Variants in RCL1 observed in about 807,000 individuals in gnomAD.
RCL1 encodes RNA terminal phosphate cyclase like 1, also known as RNA 3'-terminal phosphate cyclase-like protein.
RCL1 carries 24 observed loss-of-function variants against 42.4 expected under a neutral mutation model. The observed-to-expected ratio is 0.57, with a 90% CI of 0.41 to 0.80. The LOEUF (loss-of-function observed/expected upper bound fraction) is 0.80, where lower values mean the gene tolerates loss of function less well. Among genes scored for constraint, RCL1 ranks in the 30% least tolerant of loss-of-function variants. The pLI is 0.00. For missense variants in RCL1, 578 were observed against 467.9 expected (o/e 1.24, Z -2.17); for synonymous variants, 228 against 177.3 (o/e 1.29, Z -2.27).
intron 2 of RCL1, among the ~76,000 whole-genome samples, chr9:4,824,688 T>C (rs1207999431): frequency 1.3e-5 from 2 of 152,230 alleles, no homozygotes; most frequent in Non-Finnish European, 2.9e-5. Flanking sequence ...CTTGGCTCTC[T>C]TAAGGCAAGC....
intron 5 of RCL1, among the ~76,000 whole-genome samples, chr9:4,835,072 A>T (rs1817078288): frequency 6.6e-6 from 1 of 152,210 alleles, no homozygotes; most frequent in Non-Finnish European, 1.5e-5. Context: ...CAGAGGTGGC[A>T]GTGCACAGTG....
At position 4,808,098 on chromosome 9, in the gene RCL1, G is replaced by C. The variant is rs973348404; in HGVS notation, c.136+14871G>C. ...TCATGGTGGTGCTGAGTTCTTCTTT[G>C]TCCTTGCTGATTTTTCTGTCTAGTT... On this transcript the variant is annotated intron_variant, in intron 1 of 8. Transcript: ENST00000381750. 4.6e-5 allele frequency among the ~76,000 whole-genome samples: 7 copies of C among 151,994 alleles called. 1 individual carries two copies. In the South Asian group the frequency reaches 1.5e-3, roughly 32 times the overall value.
intron 1 of RCL1, among the ~76,000 whole-genome samples, chr9:4,798,317 A>AAC (rs1842945767): frequency 6.6e-6 from 1 of 152,218 alleles, no homozygotes; most frequent in Non-Finnish European, 1.5e-5. Context: ...CACCAGAATA[A>AAC]TTGTTTAAAG....
Position 4,833,220 on chromosome 9 carries a change from G to A in RCL1, c.451G>A (p.Glu151Lys). ...KQFGIDGESF[E>K]LKIVRRGMPP... ...ATTTGGGATTGATGGTGAATCATTTGAACTGAAGGTAAGAATGTTTGAACT... is the reference window on the plus strand; with the variant it reads ...ATTTGGGATTGATGGTGAATCATTTAAACTGAAGGTAAGAATGTTTGAACT... The change falls in exon 4 of 9, where the codon GAA becomes AAA. Residue 151 changes from glutamate (E) to lysine (K), a missense_variant. Coordinates refer to ENST00000381750, the MANE Select transcript of RCL1 (RefSeq NM_005772.5). 1 of 1,610,772 alleles carries A rather than the reference G, an allele frequency of 6.2e-7. No individual in the cohort carries two copies.
intron 1 of RCL1, among the ~76,000 whole-genome samples, chr9:4,801,724 T>TG (rs1843003853): frequency 7.0e-6 from 1 of 143,508 alleles, no homozygotes; most frequent in East Asian, 1.9e-4. Flanking sequence ...GATTCTTTTT[T>TG]TTTTTTTTTT....
chr9:4,811,663 C>T (rs1816181701), intron 1 of RCL1, among the ~76,000 whole-genome samples: 1 of 152,116 alleles, frequency 6.6e-6, no homozygotes. Context: ...TTTAATAAAC[C>T]TGAGAGTGCA....
chr9:4,812,234 A>G (rs1816205979), intron 1 of RCL1, among the ~76,000 whole-genome samples: 1 of 151,958 alleles, frequency 6.6e-6, no homozygotes, highest in African/African-American at 2.4e-5. Flanking sequence ...TATGCTTTTG[A>G]GGTCTTCTCC....
intron 6 of RCL1, among the ~76,000 whole-genome samples, chr9:4,843,822 G>C (rs908734937): frequency 1.3e-5 from 2 of 152,092 alleles, no homozygotes; most frequent in African/African-American, 4.8e-5. Flanking sequence ...ACTTCTGCTG[G>C]TCAGGTGACT....
chr9:4,827,318 T>C (rs1816796836), intron 3 of RCL1: 2 of 1,185,822 alleles, frequency 1.7e-6, no homozygotes, highest in South Asian at 1.6e-5. Context: ...ACATGAACTA[T>C]AGTTCTGCTG....
At chr9:4,825,837 G>C (rs1816742019) in intron 2 of RCL1, among the ~76,000 whole-genome samples, 1 of 151,786 alleles carries the variant, frequency 6.6e-6, no homozygotes, top group South Asian at 2.1e-4. Context: ...GGATAGCCAG[G>C]CACAAGGTGG....
At chr9:4,855,072 A>AAAAC (rs56709677) in intron 8 of RCL1, among the ~76,000 whole-genome samples, 7,450 of 140,244 alleles carry the variant, frequency 0.053, 753 homozygotes, top group African/African-American at 0.17. Context: ...AAAAAAAAAA[A>AAAAC]ATAGGAAAAG....
At chr9:4,845,825 C>A (rs914602122) in intron 7 of RCL1, among the ~76,000 whole-genome samples, 11 of 152,204 alleles carry the variant, frequency 7.2e-5, no homozygotes, top group African/African-American at 2.4e-4. Flanking sequence ...TAAATCATCT[C>A]TCTTCTTCCC....
At chr9:4,806,313 C>G (rs956705987) in intron 1 of RCL1, among the ~76,000 whole-genome samples, 1 of 151,930 alleles carries the variant, frequency 6.6e-6, no homozygotes. Flanking sequence ...GCCTTGTTCC[C>G]TATCTTAGGG....
rs995909365 is a variant in RCL1, at chr9:4,834,006, G to T, written c.460-135G>T. 2.2e-5 allele frequency: 21 copies of T among 963,524 alleles called. No homozygotes were observed. In the African/African-American group the frequency reaches 3.2e-4, roughly 15 times the overall value. 59.7% of individuals were successfully genotyped at this position (963,524 alleles called of 1,614,324 possible). A position where few individuals can be genotyped will look rare whatever the true frequency, so the allele number is the denominator to read the frequency against. On this transcript the variant is annotated intron_variant, in intron 4 of 8. Transcript: ENST00000381750. ...ACATAAGGTGCTGTTGGTCTTGAAG[G>T]GAATGACAGATTGAATATGGAAGAG...
chr9:4,814,532 G>T (rs296845), intron 1 of RCL1, among the ~76,000 whole-genome samples: 51,291 of 152,014 alleles, frequency 0.34, 10,157 homozygotes, highest in Non-Finnish European at 0.44. Context: ...TTCCCAAAGT[G>T]TTGGGATTCT....
intron 1 of RCL1, among the ~76,000 whole-genome samples, chr9:4,819,576 A>C (rs937942301): frequency 6.6e-6 from 1 of 152,224 alleles, no homozygotes; most frequent in Admixed American, 6.5e-5. Context: ...TGGGAGGTCG[A>C]GGCGGGGGGA....
intron 1 of RCL1, among the ~76,000 whole-genome samples, chr9:4,819,917 T>G (rs1310747892): frequency 3.3e-5 from 5 of 152,156 alleles, no homozygotes; most frequent in Admixed American, 6.5e-5. Flanking sequence ...AAAAAATGCA[T>G]AAGATATAAA....
intron 5 of RCL1, among the ~76,000 whole-genome samples, chr9:4,837,085 A>G (rs1817164216): frequency 6.6e-6 from 1 of 152,200 alleles, no homozygotes. Flanking sequence ...ATTCAACTCT[A>G]GTATCCAAAT....
intron 1 of RCL1, among the ~76,000 whole-genome samples, chr9:4,805,344 A>T (rs534737733): frequency 1.5e-3 from 223 of 152,190 alleles, no homozygotes; most frequent in African/African-American, 5.0e-3. Context: ...AGCCGTGATC[A>T]TGCTTCTGCA....
Sources: allele counts gnomAD v4.1 joint callset (sites outside exome capture counted in the v4.1 genomes callset), GRCh38; gene constraint gnomAD v4.1.1; transcripts MANE v1.5; gene names NCBI Gene and HGNC (gene_info 2026-07-23, HGNC 2026-07-21).